The following CEP112 variants were observed in gnomAD, a reference collection of about 807,000 sequenced individuals.
The protein encoded by CEP112 is centrosomal protein of 112 kDa.
In CEP112, 127 loss-of-function variants were observed where a neutral mutation model predicts 153.0. The ratio of observed to expected loss-of-function variants is 0.83; its 90% confidence interval spans 0.72 to 0.96. The LOEUF (loss-of-function observed/expected upper bound fraction) is 0.96. Among genes scored for constraint, CEP112 ranks in the 40% least tolerant of loss-of-function variants. The probability of loss-of-function intolerance (pLI) is 0.00; values close to 1 mark genes in which losing one functional copy is unlikely to be tolerated. For synonymous variants in CEP112, 358 were observed against 374.4 expected (o/e 0.96, Z 0.51); for missense variants, 1,089 against 1,101.2 (o/e 0.99, Z 0.16).
intron 18 of CEP112, among the ~76,000 whole-genome samples, chr17:65,932,885 C>T (rs2144285179): frequency 1.2e-5 from 1 of 82,098 alleles, no homozygotes; most frequent in South Asian, 3.5e-4. Flanking sequence ...GTTTGGGACA[C>T]AGATCTACAC....
At chr17:65,931,755 G>A (rs1291032728) in intron 18 of CEP112, among the ~76,000 whole-genome samples, 1 of 152,242 alleles carries the variant, frequency 6.6e-6, no homozygotes, top group Non-Finnish European at 1.5e-5. Context: ...TCAGAGGCAA[G>A]CCCAGATCCC....
At chr17:65,656,997 C>T (rs1046356977) in intron 24 of CEP112, among the ~76,000 whole-genome samples, 1 of 152,142 alleles carries the variant, frequency 6.6e-6, no homozygotes, top group African/African-American at 2.4e-5. Flanking sequence ...AGCACAGTGG[C>T]TATTAATAAG....
intron 21 of CEP112, among the ~76,000 whole-genome samples, chr17:65,799,961 T>G (rs1017543449): frequency 6.6e-6 from 1 of 152,208 alleles, no homozygotes; most frequent in African/African-American, 2.4e-5. Context: ...GAGATTTATA[T>G]AAACTACAGG....
intron 21 of CEP112, among the ~76,000 whole-genome samples, chr17:65,778,629 G>T (rs1231065745): frequency 6.6e-6 from 1 of 152,102 alleles, no homozygotes. Flanking sequence ...GGCTGAATTG[G>T]TGAGATTTTT....
intron 2 of CEP112, among the ~76,000 whole-genome samples, chr17:66,181,782 A>G (rs1048911980): frequency 6.6e-6 from 1 of 152,136 alleles, no homozygotes; most frequent in Non-Finnish European, 1.5e-5. Context: ...AAATGTAGTG[A>G]ATATCAGAAG....
intron 24 of CEP112, among the ~76,000 whole-genome samples, chr17:65,653,069 C>T (rs2045868770): frequency 6.6e-6 from 1 of 152,154 alleles, no homozygotes; most frequent in Non-Finnish European, 1.5e-5. Flanking sequence ...GGGGACCTAC[C>T]CTCATGACCT....
At chr17:65,651,083 C>A (rs1256515131) in intron 24 of CEP112, among the ~76,000 whole-genome samples, 4 of 152,216 alleles carry the variant, frequency 2.6e-5, no homozygotes, top group African/African-American at 9.6e-5. Flanking sequence ...TTATTCCTCG[C>A]CCCCTTCCCA....
In CEP112 at chr17:65,772,575, T is replaced by TACAC. The variant is rs34758953; in HGVS notation, c.2395-21855_2395-21852dup. On this transcript the variant is annotated intron_variant, in intron 21 of 26. Transcript: ENST00000535342. The stretch of plus-strand genomic sequence containing the variant: ...AAAACTCAAAGACCCCTCTATTTAT[T>TACAC]ACACACACACACACACACACACACA... Among the ~76,000 whole-genome samples, 702 of 133,484 alleles carry TACAC rather than the reference T, an allele frequency of 5.3e-3. 4 individuals carry two copies. Among genetic ancestry groups the TACAC allele is most frequent in the South Asian group, 0.018 (70 of 3,964 alleles). 87.6% of individuals were successfully genotyped at this position (133,484 alleles called of 152,430 possible).
chr17:66,030,593 G>A (rs8065695), intron 12 of CEP112, among the ~76,000 whole-genome samples: 140,990 of 152,212 alleles, frequency 0.93, 65,529 homozygotes, highest in East Asian at 0.97. Context: ...CATCTTTGCC[G>A]TTTTGTAAAA....
At chr17:65,886,458 C>T (rs2059281287) in intron 20 of CEP112, among the ~76,000 whole-genome samples, 2 of 152,186 alleles carry the variant, frequency 1.3e-5, no homozygotes, top group Non-Finnish European at 2.9e-5. Flanking sequence ...AACGGCATAG[C>T]AGGCATATTT....
intron 20 of CEP112, among the ~76,000 whole-genome samples, chr17:65,864,768 C>T (rs1433162583): frequency 6.6e-6 from 1 of 152,036 alleles, no homozygotes; most frequent in Admixed American, 6.6e-5. Flanking sequence ...ACGTAAATGC[C>T]GCAGGACCAA....
At chr17:65,878,657 C>T (rs150755641) in intron 20 of CEP112, among the ~76,000 whole-genome samples, 2,264 of 152,002 alleles carry the variant, frequency 0.015, 182 homozygotes, top group Admixed American at 0.12. Context: ...GATCTAGGAG[C>T]CCATTTAGCT....
chr17:66,190,561 GC>G (rs1305799968), intron 1 of CEP112, among the ~76,000 whole-genome samples: 5 of 152,140 alleles, frequency 3.3e-5, no homozygotes, highest in Non-Finnish European at 7.3e-5. Flanking sequence ...GTGAGCGTGA[GC>G]TGAGTTTGCA....
At chr17:65,947,754 G>A (rs562265590) in intron 18 of CEP112, among the ~76,000 whole-genome samples, 1 of 152,054 alleles carries the variant, frequency 6.6e-6, no homozygotes, top group Admixed American at 6.5e-5. Flanking sequence ...ACGTTTAAAG[G>A]TATTCTAAAA....
chr17:66,149,177 G>A (rs1048819299), intron 4 of CEP112, among the ~76,000 whole-genome samples: 3 of 152,106 alleles, frequency 2.0e-5, no homozygotes, highest in African/African-American at 7.2e-5. Flanking sequence ...TGCAAGTTAC[G>A]AATAAATCTC....
At chr17:65,865,954 A>G (rs923501260) in intron 20 of CEP112, among the ~76,000 whole-genome samples, 2 of 151,920 alleles carry the variant, frequency 1.3e-5, no homozygotes, top group African/African-American at 4.8e-5. Flanking sequence ...GGGAGCTGGG[A>G]GCAGGCAGGA....
chr17:66,178,441 C>T (rs2072579873), intron 2 of CEP112, among the ~76,000 whole-genome samples: 1 of 141,972 alleles, frequency 7.0e-6, no homozygotes, highest in Admixed American at 7.0e-5. Flanking sequence ...GTTGTTTGAG[C>T]TCCTTATATA....
intron 21 of CEP112, among the ~76,000 whole-genome samples, chr17:65,828,711 A>G (rs766328163): frequency 5.3e-5 from 8 of 152,090 alleles, no homozygotes; most frequent in Non-Finnish European, 1.2e-4. Flanking sequence ...CAGTATAGTA[A>G]TTTATATTAT....
intron 24 of CEP112, among the ~76,000 whole-genome samples, chr17:65,645,155 A>G (rs1007335862): frequency 6.6e-6 from 1 of 151,674 alleles, no homozygotes; most frequent in Non-Finnish European, 1.5e-5. Flanking sequence ...TCTCTTCTTC[A>G]GAGACACAAA....
Sources: allele counts gnomAD v4.1 joint callset (sites outside exome capture counted in the v4.1 genomes callset), GRCh38; gene constraint gnomAD v4.1.1; transcripts MANE v1.5; gene names NCBI Gene and HGNC (gene_info 2026-07-23, HGNC 2026-07-21).